The following ACCSL variants were observed in gnomAD, a reference collection of about 807,000 sequenced individuals.
The protein encoded by ACCSL is 1-aminocyclopropane-1-carboxylate synthase homolog (inactive) like, also known as probable inactive 1-aminocyclopropane-1-carboxylate synthase-like protein 2.
ACCSL carries 55 observed loss-of-function variants against 61.7 expected under a neutral mutation model. The ratio of observed to expected loss-of-function variants is 0.89; its 90% CI spans 0.72 to 1.12. The LOEUF (loss-of-function observed/expected upper bound fraction) is 1.12. Ranked by LOEUF, ACCSL falls within the 50% of genes most tolerant of loss-of-function variation. The pLI is 0.00. For synonymous variants in ACCSL, 258 were observed against 264.3 expected (o/e 0.98, Z 0.23); for missense variants, 632 against 698.0 (o/e 0.91, Z 1.07).
At chr11:43,960,823 TG>T in the ACCSL span, among the ~76,000 whole-genome samples, 1 of 152,008 alleles carries the variant, frequency 6.6e-6, no homozygotes. Flanking sequence ...GTTTGTTTTT[TG>T]TTTTCTTCCT....
the ACCSL span, among the ~76,000 whole-genome samples, chr11:43,949,953 T>TGGCAATGTGAGCTGATA: frequency 2.0e-5 from 3 of 152,246 alleles, no homozygotes; most frequent in Non-Finnish European, 4.4e-5. Flanking sequence ...GTGAGCTGAT[T>TGGCAATGTGAGCTGATA]GGCAATGTGA....
At chr11:44,042,198 T>A in the ACCSL span, among the ~76,000 whole-genome samples, 3 of 152,202 alleles carry the variant, frequency 2.0e-5, no homozygotes, top group Non-Finnish European at 4.4e-5. Flanking sequence ...ATGGGGTTTT[T>A]CTTCTCTAAA....
At chr11:43,990,775 C>T in the ACCSL span, among the ~76,000 whole-genome samples, 1 of 152,144 alleles carries the variant, frequency 6.6e-6, no homozygotes, top group African/African-American at 2.4e-5. Flanking sequence ...CTCTTTCTTC[C>T]ACCCCACTAA....
At chr11:44,009,898 A>G in the ACCSL span, among the ~76,000 whole-genome samples, 1 of 152,256 alleles carries the variant, frequency 6.6e-6, no homozygotes, top group African/African-American at 2.4e-5. Context: ...CCCAAGCCCC[A>G]GTCCTCTTCT....
intron 8 of ACCSL, among the ~76,000 whole-genome samples, chr11:44,054,447 C>CTT (rs67313576): frequency 1.5e-3 from 209 of 138,418 alleles, no homozygotes; most frequent in Middle Eastern, 4.0e-3. Flanking sequence ...TTCTTTCTTT[C>CTT]TTTTTTTTTT....
At chr11:44,056,347 C>G (rs772913837) in intron 11 of ACCSL, 21 bp downstream of exon 11, 3 of 1,607,722 alleles carry the variant, frequency 1.9e-6, no homozygotes, top group Non-Finnish European at 2.5e-6. Context: ...CTAGCACAGA[C>G]CAGCATGTTG....
At chr11:44,034,383 G>A in the ACCSL span, among the ~76,000 whole-genome samples, 1 of 152,196 alleles carries the variant, frequency 6.6e-6, no homozygotes, top group African/African-American at 2.4e-5. Flanking sequence ...GAAGACCTTA[G>A]CTTTTGAGGA....
At chr11:43,971,655 A>T in the ACCSL span, 2 of 152,312 alleles carry the variant, frequency 1.3e-5, no homozygotes, top group Non-Finnish European at 2.9e-5. Context: ...GGCTGGAAAG[A>T]CATAGGAGGG....
At chr11:44,032,626 CAT>C in the ACCSL span, among the ~76,000 whole-genome samples, 3 of 152,140 alleles carry the variant, frequency 2.0e-5, no homozygotes, top group Non-Finnish European at 4.4e-5. Context: ...TCTGGGAAAA[CAT>C]AGCAGAGTGG....
chr11:44,033,456 A>G, the ACCSL span, among the ~76,000 whole-genome samples: 3 of 152,266 alleles, frequency 2.0e-5, no homozygotes, highest in Admixed American at 1.3e-4. Flanking sequence ...TGCCTGCCAA[A>G]GCCAGATAGC....
the ACCSL span, among the ~76,000 whole-genome samples, chr11:43,941,327 A>C: frequency 6.6e-6 from 1 of 152,206 alleles, no homozygotes; most frequent in Non-Finnish European, 1.5e-5. Flanking sequence ...ATTAGAATGT[A>C]ACTTTCATGA....
the ACCSL span, among the ~76,000 whole-genome samples, chr11:44,023,988 C>A: frequency 1.3e-5 from 2 of 152,076 alleles, no homozygotes; most frequent in African/African-American, 4.8e-5. Flanking sequence ...ATGGTTAACT[C>A]TGTGTGTCAA....
the ACCSL span, among the ~76,000 whole-genome samples, chr11:44,042,914 C>T: frequency 4.6e-5 from 7 of 152,016 alleles, no homozygotes; most frequent in South Asian, 1.5e-3. Context: ...GACCTGGTCT[C>T]TACAAAAAAT....
the ACCSL span, among the ~76,000 whole-genome samples, chr11:43,921,836 A>G: frequency 3.3e-4 from 50 of 152,222 alleles, no homozygotes; most frequent in African/African-American, 1.2e-3. Flanking sequence ...TCTTGCTGTC[A>G]CTCCAGATAC....
chr11:43,951,011 G>A, the ACCSL span, among the ~76,000 whole-genome samples: 1 of 152,190 alleles, frequency 6.6e-6, no homozygotes, highest in Non-Finnish European at 1.5e-5. Context: ...TTGGAAAGTT[G>A]AAGACCCTTG....
chr11:43,980,907 T>C, the ACCSL span, among the ~76,000 whole-genome samples: 1 of 147,478 alleles, frequency 6.8e-6, no homozygotes, highest in Admixed American at 6.7e-5. Flanking sequence ...GAAGCGTACG[T>C]CACCTGGATA....
At chr11:43,932,776 TAGAC>T in the ACCSL span, among the ~76,000 whole-genome samples, 1 of 152,180 alleles carries the variant, frequency 6.6e-6, no homozygotes, top group South Asian at 2.1e-4. Flanking sequence ...AAGCTGGAGA[TAGAC>T]AAGGGATGTA....
the ACCSL span, among the ~76,000 whole-genome samples, chr11:44,030,623 G>C: frequency 7.2e-3 from 1,099 of 152,040 alleles, 10 homozygotes; most frequent in African/African-American, 0.025. Flanking sequence ...TAATTTATCT[G>C]GTTTTTTGTT....
the ACCSL span, among the ~76,000 whole-genome samples, chr11:44,001,730 G>A: frequency 2.6e-5 from 4 of 151,134 alleles, no homozygotes; most frequent in South Asian, 2.1e-4. Context: ...TTTGCCTGGG[G>A]TTCATGGATG....
Sources: gnomAD v4.1 joint callset for allele counts (sites outside exome capture counted in the v4.1 genomes callset) on GRCh38, gnomAD v4.1.1 for gene constraint, MANE v1.5 for transcripts, NCBI Gene and HGNC (gene_info 2026-07-23, HGNC 2026-07-21) for gene names.